The following LRP1B variants were observed in gnomAD, a reference collection of about 807,000 sequenced individuals.
The protein encoded by LRP1B is low-density lipoprotein receptor-related protein 1B.
LRP1B carries 217 observed loss-of-function variants against 556.6 expected under a neutral mutation model. The ratio of observed to expected loss-of-function variants is 0.39; its 90% CI spans 0.35 to 0.44. The LOEUF (loss-of-function observed/expected upper bound fraction) is 0.44, where lower values mean the gene tolerates loss of function less well. LRP1B is among the 20% of genes least tolerant of loss of function. The probability of loss-of-function intolerance (pLI) is 1.00; values close to 1 mark genes in which losing one functional copy is unlikely to be tolerated. For synonymous variants in LRP1B, 2,047 were observed against 1,865.8 expected, an observed-to-expected ratio of 1.10 and a Z score of -2.50; for missense variants, 5,053 against 5,620.8, an observed-to-expected ratio of 0.90 and a Z score of 3.23.
At chr2:142,127,547 TCTCA>T (rs1351980342) in intron 1 of LRP1B, among the ~76,000 whole-genome samples, 3 of 152,070 alleles carry the variant, frequency 2.0e-5, no homozygotes, top group East Asian at 3.9e-4. Context: ...CTCTTTTCTC[TCTCA>T]CTCAGTTTAA....
intron 3 of LRP1B, 73 bp from the exon 4 acceptor site, chr2:141,254,714 A>T: frequency 8.4e-7 from 1 of 1,190,250 alleles, no homozygotes; most frequent in Non-Finnish European, 1.2e-6. Flanking sequence ...TCAGTGTACA[A>T]TCCTTACACT....
intron 35 of LRP1B, among the ~76,000 whole-genome samples, chr2:140,728,575 G>T (rs1285670035): frequency 6.6e-6 from 1 of 152,050 alleles, no homozygotes; most frequent in East Asian, 1.9e-4. Context: ...CAGAAATCTT[G>T]TTCCTCAAAC....
At chr2:141,589,318 C>T (rs1034033276) in intron 2 of LRP1B, among the ~76,000 whole-genome samples, 1 of 152,140 alleles carries the variant, frequency 6.6e-6, no homozygotes, top group Non-Finnish European at 1.5e-5. Context: ...TCCATAGCGA[C>T]CTCTGACCAT....
chr2:141,572,835 C>G (rs1686582464), intron 2 of LRP1B, among the ~76,000 whole-genome samples: 1 of 151,912 alleles, frequency 6.6e-6, no homozygotes, highest in Admixed American at 6.6e-5. Flanking sequence ...CAATAAAGAT[C>G]AAAAGAGACA....
intron 86 of LRP1B, among the ~76,000 whole-genome samples, chr2:140,263,566 A>G (rs1448913688): frequency 2.6e-5 from 4 of 152,124 alleles, no homozygotes; most frequent in Admixed American, 6.6e-5. Context: ...AGGAGAAACC[A>G]GGCCATGACT....
intron 1 of LRP1B, among the ~76,000 whole-genome samples, chr2:141,974,749 A>G (rs995015723): frequency 1.3e-5 from 2 of 152,154 alleles, no homozygotes; most frequent in Non-Finnish European, 2.9e-5. Context: ...AAAGACAACT[A>G]GCCTGACAAC....
chr2:140,448,822 T>C (rs1686772146), intron 63 of LRP1B, among the ~76,000 whole-genome samples: 1 of 152,098 alleles, frequency 6.6e-6, no homozygotes, highest in African/African-American at 2.4e-5. Context: ...AATTTTGCCA[T>C]TCCACAATGT....
intron 2 of LRP1B, among the ~76,000 whole-genome samples, chr2:141,706,788 AT>A (rs1346331140): frequency 4.6e-5 from 7 of 152,102 alleles, no homozygotes; most frequent in Non-Finnish European, 7.4e-5. Flanking sequence ...AGAAACATAT[AT>A]TTTTAATCAC....
chr2:142,069,208 C>A (rs1192152532), intron 1 of LRP1B, among the ~76,000 whole-genome samples: 1 of 151,514 alleles, frequency 6.6e-6, no homozygotes, highest in Admixed American at 6.6e-5. Context: ...CTAATCTAGC[C>A]AAAATGTGCT....
intron 7 of LRP1B, among the ~76,000 whole-genome samples, chr2:141,153,269 A>T (rs1476876622): frequency 7.8e-6 from 1 of 128,960 alleles, no homozygotes; most frequent in African/African-American, 2.9e-5. Flanking sequence ...TATTTATAAT[A>T]ATATATATAA....
chr2:141,958,304 C>G (rs1701317151), intron 1 of LRP1B, among the ~76,000 whole-genome samples: 1 of 152,030 alleles, frequency 6.6e-6, no homozygotes. Flanking sequence ...TATGTAACAT[C>G]TCTGTGACCT....
chr2:140,658,731 T>C (rs1242289606), intron 41 of LRP1B, among the ~76,000 whole-genome samples: 1 of 152,112 alleles, frequency 6.6e-6, no homozygotes, highest in Non-Finnish European at 1.5e-5. Context: ...AGGTGGAACC[T>C]TGACCCTTTG....
At chr2:142,093,011 C>G (rs1032544376) in intron 1 of LRP1B, among the ~76,000 whole-genome samples, 8 of 152,090 alleles carry the variant, frequency 5.3e-5, no homozygotes, top group African/African-American at 1.9e-4. Context: ...TGCGTGATCT[C>G]CCATCTACAA....
At chr2:141,871,689 A>C (rs10439185) in intron 1 of LRP1B, among the ~76,000 whole-genome samples, 26,204 of 151,920 alleles carry the variant, frequency 0.17, 2,296 homozygotes, top group South Asian at 0.19. Flanking sequence ...ATACATTAGT[A>C]TGCATATATA....
chr2:142,065,132 C>G lies in LRP1B; in HGVS notation c.82+65516G>C, dbSNP rs1359831923. On this transcript the variant is annotated intron_variant, in intron 1 of 90. Coordinates refer to ENST00000389484, the MANE Select transcript of LRP1B (RefSeq NM_018557.3). Reference sequence around the variant, plus strand: ...TTTGACTTTCATTATATAACTATCCCTTTAAGCCGGTCATTGTATAATGGT... The same window carrying G: ...TTTGACTTTCATTATATAACTATCCGTTTAAGCCGGTCATTGTATAATGGT... 2.0e-5 allele frequency among the ~76,000 whole-genome samples: 3 copies of G among 151,498 alleles called. No individual in the cohort carries two copies. The East Asian group carries it at 5.8e-4, about 29-fold the overall frequency.
intron 84 of LRP1B, among the ~76,000 whole-genome samples, chr2:140,284,155 T>G (rs1439919424): frequency 1.3e-5 from 2 of 151,726 alleles, no homozygotes; most frequent in Non-Finnish European, 2.9e-5. Flanking sequence ...ATACAATTAA[T>G]TAACATATAC....
At chr2:141,294,747 A>AAAT (rs1434001383) in intron 3 of LRP1B, among the ~76,000 whole-genome samples, 5 of 151,444 alleles carry the variant, frequency 3.3e-5, no homozygotes, top group Admixed American at 1.3e-4. Flanking sequence ...CTCAAAAAAA[A>AAAT]AAAAAATAGA....
chr2:140,804,115 A>G (rs1288129688), intron 32 of LRP1B, among the ~76,000 whole-genome samples: 2 of 152,060 alleles, frequency 1.3e-5, no homozygotes, highest in Non-Finnish European at 2.9e-5. Context: ...GCGGACTTGC[A>G]TTGTAGGAAA....
At chr2:140,938,089 A>G (rs186381170) in intron 20 of LRP1B, among the ~76,000 whole-genome samples, 18 of 152,114 alleles carry the variant, frequency 1.2e-4, no homozygotes, top group African/African-American at 4.3e-4. Context: ...AGCAGCATAA[A>G]TGTTCTTGTT....
Sources: allele counts gnomAD v4.1 joint callset (sites outside exome capture counted in the v4.1 genomes callset), GRCh38; gene constraint gnomAD v4.1.1; transcripts MANE v1.5; gene names NCBI Gene and HGNC (gene_info 2026-07-23, HGNC 2026-07-21).